DOCK3: variants seen among roughly 807,000 people sequenced by gnomAD.
DOCK3 encodes the protein dedicator of cytokinesis 3, also known as dedicator of cytokinesis protein 3.
DOCK3 carries 60 observed loss-of-function variants against 265.6 expected under a neutral mutation model. That is an observed-to-expected ratio of 0.23 (90% CI 0.18 to 0.28). The LOEUF is 0.28. Ranked by LOEUF, DOCK3 falls within the 10% of genes least tolerant of loss-of-function variation. DOCK3 has a pLI of 1.00. For missense variants in DOCK3, 1,981 were observed against 2,594.3 expected (o/e 0.76, Z 5.14); for synonymous variants, 881 against 938.0 (o/e 0.94, Z 1.11).
chr3:50,792,920 CAT>C (rs2042566691), intron 2 of DOCK3, among the ~76,000 whole-genome samples: 1 of 152,210 alleles, frequency 6.6e-6, no homozygotes, highest in African/African-American at 2.4e-5. Context: ...ATGCTGGCCT[CAT>C]AGAATGAGTC....
At chr3:51,357,630 G>A (rs1450421837) in intron 44 of DOCK3, 128 bp from the exon 45 acceptor site, 2 of 810,750 alleles carry the variant, frequency 2.5e-6, no homozygotes, top group African/African-American at 1.7e-5. Flanking sequence ...AGGCCAGACT[G>A]GTGTATGTAC....
intron 1 of DOCK3, among the ~76,000 whole-genome samples, chr3:50,728,639 A>G (rs1343674186): frequency 6.6e-6 from 1 of 152,158 alleles, no homozygotes; most frequent in Non-Finnish European, 1.5e-5. Flanking sequence ...GAACCATTTT[A>G]CTTTAAATAT....
chr3:50,715,075 C>T (rs1221048282), intron 1 of DOCK3, among the ~76,000 whole-genome samples: 3 of 152,274 alleles, frequency 2.0e-5, no homozygotes, highest in Non-Finnish European at 4.4e-5. Context: ...TTTGAAAGGA[C>T]AGCATCTGGG....
At chr3:51,300,370 T>C (rs2082307547) in intron 27 of DOCK3, among the ~76,000 whole-genome samples, 1 of 152,116 alleles carries the variant, frequency 6.6e-6, no homozygotes, top group African/African-American at 2.4e-5. Flanking sequence ...TTGACTTCAC[T>C]TCCTATTTGA....
At chr3:51,012,593 C>G (rs2078996532) in intron 5 of DOCK3, among the ~76,000 whole-genome samples, 2 of 152,182 alleles carry the variant, frequency 1.3e-5, no homozygotes, top group Admixed American at 6.5e-5. Context: ...CCTTGCGCTT[C>G]CTGGGTGAGG....
chr3:51,022,866 A>G (rs1375802732), intron 5 of DOCK3, among the ~76,000 whole-genome samples: 1 of 152,130 alleles, frequency 6.6e-6, no homozygotes, highest in African/African-American at 2.4e-5. Flanking sequence ...GTATATGGTG[A>G]GAGGTAGGGG....
chr3:51,371,733 C>T (rs1190813309), intron 49 of DOCK3, among the ~76,000 whole-genome samples: 1 of 152,260 alleles, frequency 6.6e-6, no homozygotes, highest in South Asian at 2.1e-4. Flanking sequence ...TCTTCCTTGC[C>T]ATACCCATGG....
At chr3:50,860,243 A>G (rs945793613) in intron 3 of DOCK3, among the ~76,000 whole-genome samples, 8 of 152,122 alleles carry the variant, frequency 5.3e-5, no homozygotes, top group Non-Finnish European at 1.2e-4. Context: ...TAAGGCCCTT[A>G]GGGTCTTTTC....
At chr3:51,101,113 C>CTTTT (rs59972198) in intron 9 of DOCK3, among the ~76,000 whole-genome samples, 6 of 122,540 alleles carry the variant, frequency 4.9e-5, no homozygotes, top group East Asian at 2.3e-4. Context: ...CTTAGTCTTT[C>CTTTT]TTTTTTTTTT....
At chr3:51,332,958 G>A (rs1392484560) in intron 33 of DOCK3, 43 bp from the exon 34 acceptor site, 2 of 1,613,348 alleles carry the variant, frequency 1.2e-6, no homozygotes, top group African/African-American at 1.3e-5. Flanking sequence ...GTTGCTGCCA[G>A]TTCAGTAACC....
At chr3:51,014,716 G>A (rs1347196737) in intron 5 of DOCK3, among the ~76,000 whole-genome samples, 1 of 152,078 alleles carries the variant, frequency 6.6e-6, no homozygotes, top group African/African-American at 2.4e-5. Flanking sequence ...TATAGGGATT[G>A]CATTGAATCA....
chr3:50,727,049 C>T, intron 1 of DOCK3, among the ~76,000 whole-genome samples: 1 of 151,102 alleles, frequency 6.6e-6, no homozygotes, highest in Non-Finnish European at 1.5e-5. Context: ...AATAATGTCT[C>T]ACTAAAAAAC....
chr3:50,914,870 T>A (rs1003319744), intron 4 of DOCK3, among the ~76,000 whole-genome samples: 1 of 152,120 alleles, frequency 6.6e-6, no homozygotes, highest in Admixed American at 6.5e-5. Context: ...TCCCTCTTGG[T>A]GTCATGTTTG....
chr3:50,887,080 T>G (rs986661758), intron 3 of DOCK3, among the ~76,000 whole-genome samples: 1 of 151,174 alleles, frequency 6.6e-6, no homozygotes, highest in African/African-American at 2.4e-5. Context: ...AGGAGCTGGT[T>G]TTTTGAAAAG....
At chr3:50,735,845 T>TG (rs943331073) in intron 1 of DOCK3, among the ~76,000 whole-genome samples, 11 of 152,110 alleles carry the variant, frequency 7.2e-5, no homozygotes, top group East Asian at 3.9e-4. Flanking sequence ...CTTCTGTTTC[T>TG]GGGGGGGCCT....
At chr3:50,905,401 A>G (rs1559795002) in intron 4 of DOCK3, among the ~76,000 whole-genome samples, 2 of 152,062 alleles carry the variant, frequency 1.3e-5, no homozygotes, top group African/African-American at 4.8e-5. Flanking sequence ...TGAGCATGGA[A>G]TGTTCTTCCA....
intron 27 of DOCK3, among the ~76,000 whole-genome samples, chr3:51,287,578 A>C (rs1489398440): frequency 6.6e-6 from 1 of 152,160 alleles, no homozygotes; most frequent in Non-Finnish European, 1.5e-5. Context: ...TTAAAAAATT[A>C]AAAGTCAAGT....
chr3:51,317,589 A>G (rs967406029), intron 32 of DOCK3, among the ~76,000 whole-genome samples: 8 of 125,930 alleles, frequency 6.4e-5, no homozygotes, highest in Non-Finnish European at 1.1e-4. Context: ...CAAAATAATA[A>G]TAATAATAAT....
chr3:51,033,267 C>G (rs1482834575), intron 5 of DOCK3, among the ~76,000 whole-genome samples: 1 of 152,198 alleles, frequency 6.6e-6, no homozygotes, highest in Non-Finnish European at 1.5e-5. Context: ...AAAGCTTTGG[C>G]TGACTTTCTC....
Sources: gnomAD v4.1 joint callset for allele counts (sites outside exome capture counted in the v4.1 genomes callset) on GRCh38, gnomAD v4.1.1 for gene constraint, MANE v1.5 for transcripts, NCBI Gene and HGNC (gene_info 2026-07-23, HGNC 2026-07-21) for gene names.